KAZN: variants seen among roughly 807,000 people sequenced by gnomAD.
KAZN encodes the protein kazrin, periplakin interacting protein.
KAZN carries 40 observed loss-of-function variants against 87.4 expected under a neutral mutation model. The observed-to-expected ratio is 0.46, with a 90% confidence interval of 0.36 to 0.60. The LOEUF (loss-of-function observed/expected upper bound fraction) is 0.60. Ranked by LOEUF, KAZN falls within the 20% of genes least tolerant of loss-of-function variation. KAZN has a pLI of 0.00. For synonymous variants in KAZN, 466 were observed against 458.3 expected (o/e 1.02, Z -0.22); for missense variants, 898 against 1,073.9 (o/e 0.84, Z 2.29).
In KAZN at chr1:14,096,309, T is replaced by C. The variant is rs189511140; in HGVS notation, c.92-84126T>C. On this transcript the variant is annotated intron_variant, in intron 1 of 16. Coordinates refer to the KAZN transcript ENST00000636203. Reference sequence around the variant, plus strand: ...GGGGTATAAAGGGTAATAATTACTCTGGATTCACAACGAATGTGTCAGAAA... The same window carrying C: ...GGGGTATAAAGGGTAATAATTACTCCGGATTCACAACGAATGTGTCAGAAA... Among the ~76,000 whole-genome samples the C allele has an allele frequency of 3.0e-3, 459 of 152,358 alleles. 6 individuals are homozygous for C. The highest frequency in any genetic ancestry group is 0.011 in the African/African-American group (441 of 41,578).
intron 2 of KAZN, among the ~76,000 whole-genome samples, chr1:14,249,140 T>A (rs1413340017): frequency 6.6e-6 from 1 of 152,228 alleles, no homozygotes; most frequent in East Asian, 1.9e-4. Context: ...CTCTGCTGTT[T>A]CTAAATTCCT....
chr1:14,660,096 AATGCG>A, intron 1 of KAZN, among the ~76,000 whole-genome samples: 1 of 152,266 alleles, frequency 6.6e-6, no homozygotes. Flanking sequence ...TAATCTTGAT[AATGCG>A]ATTAGGGCCT....
chr1:14,982,563 G>A (rs1240429692), intron 2 of KAZN, among the ~76,000 whole-genome samples: 2 of 151,892 alleles, frequency 1.3e-5, no homozygotes, highest in African/African-American at 4.8e-5. Context: ...CCCAGCAGCT[G>A]GGACTACAGG....
chr1:14,991,655 C>T (rs1051451642), intron 2 of KAZN, among the ~76,000 whole-genome samples: 1 of 152,214 alleles, frequency 6.6e-6, no homozygotes, highest in South Asian at 2.1e-4. Flanking sequence ...GCCACACATA[C>T]CCAGGTACAC....
chr1:14,378,668 A>AT (rs1278057397), intron 2 of KAZN, among the ~76,000 whole-genome samples: 8 of 152,222 alleles, frequency 5.3e-5, no homozygotes, highest in African/African-American at 1.9e-4. Flanking sequence ...AACTCAGCAG[A>AT]TGCCTGCCCG....
chr1:14,273,711 T>C (rs1302565241), intron 2 of KAZN, among the ~76,000 whole-genome samples: 3 of 152,226 alleles, frequency 2.0e-5, no homozygotes, highest in Non-Finnish European at 2.9e-5. Context: ...CCATCTTTCC[T>C]TCTTTGAGTC....
chr1:14,333,090 T>C (rs1023610695), intron 2 of KAZN, among the ~76,000 whole-genome samples: 3 of 152,068 alleles, frequency 2.0e-5, no homozygotes, highest in Admixed American at 1.3e-4. Context: ...CCTGTGTCCA[T>C]GTGTTCTCAT....
intron 2 of KAZN, among the ~76,000 whole-genome samples, chr1:14,376,951 G>C (rs773351682): frequency 2.0e-5 from 3 of 152,178 alleles, no homozygotes; most frequent in Non-Finnish European, 4.4e-5. Flanking sequence ...TTAGTTGCTG[G>C]TGCTGAGTAC....
At chr1:15,027,040 A>G (rs890592500) in intron 2 of KAZN, among the ~76,000 whole-genome samples, 22 of 147,232 alleles carry the variant, frequency 1.5e-4, no homozygotes, top group African/African-American at 5.5e-4. Flanking sequence ...AGGCTTAATC[A>G]AACTTAGGCA....
At chr1:14,784,055 T>C (rs556263065) in intron 1 of KAZN, among the ~76,000 whole-genome samples, 2 of 152,210 alleles carry the variant, frequency 1.3e-5, no homozygotes, top group East Asian at 1.9e-4. Flanking sequence ...TTGGAAGGCA[T>C]TGGCTTAGGC....
At chr1:14,616,832 C>G (rs1471518157) in intron 1 of KAZN, among the ~76,000 whole-genome samples, 5 of 152,218 alleles carry the variant, frequency 3.3e-5, no homozygotes, top group Middle Eastern at 3.2e-3. Flanking sequence ...GCCCTCGTGG[C>G]CTCATTTGCA....
intron 1 of KAZN, among the ~76,000 whole-genome samples, chr1:14,881,605 T>TA (rs138477803): frequency 0.018 from 2,722 of 152,258 alleles, 96 homozygotes; most frequent in African/African-American, 0.062. Flanking sequence ...GCAGAGCTGG[T>TA]CCCTGCCTCT....
At position 14,176,231 on chromosome 1, in the gene KAZN, T is replaced by TAC. The variant is rs1480061666; in HGVS notation, c.92-4203_92-4202insCA. On this transcript the variant is annotated intron_variant, in intron 1 of 16. Coordinates refer to the KAZN transcript ENST00000636203. ...TTGGGTTCTCAGGGAGCTTATGTAT[T>TAC]ATCTTGTCCTGGGATGTATAGCTTG... 3.9e-5 allele frequency among the ~76,000 whole-genome samples: 6 copies of TAC among 152,298 alleles called. No individual in the cohort carries two copies. The East Asian group carries it at 9.6e-4, about 24-fold the overall frequency.
intron 1 of KAZN, among the ~76,000 whole-genome samples, chr1:14,645,911 G>C (rs955830579): frequency 3.9e-5 from 6 of 152,098 alleles, no homozygotes; most frequent in Non-Finnish European, 7.4e-5. Flanking sequence ...ATTATTTTGA[G>C]GTATGTTCAA....
rs937168289 is a variant in KAZN at position 14,510,341 on chromosome 1, G to A, written c.250-88642G>A. ...TGCAGTGAGCCGAGATGGCGCCATT[G>A]CACTCCAGCCTGGGCAACGAGAGCA... is the stretch of plus-strand genomic sequence containing the variant. On this transcript the variant is annotated intron_variant, in intron 2 of 16. Transcript: ENST00000636203. Among the ~76,000 whole-genome samples, 3 of 150,036 alleles carry A rather than the reference G, an allele frequency of 2.0e-5. 1 individual carries two copies. Among genetic ancestry groups the A allele is most frequent in the Middle Eastern group, 6.8e-3 (2 of 294 alleles).
chr1:14,129,544 G>C (rs1337511476), intron 1 of KAZN, among the ~76,000 whole-genome samples: 1 of 152,238 alleles, frequency 6.6e-6, no homozygotes, highest in Admixed American at 6.5e-5. Flanking sequence ...ATGGGCTCCT[G>C]GTTGGCTGCC....
chr1:14,907,183 G>A (rs899428397), intron 1 of KAZN, among the ~76,000 whole-genome samples: 2 of 151,874 alleles, frequency 1.3e-5, no homozygotes, highest in Non-Finnish European at 2.9e-5. Flanking sequence ...ATCACTTGAG[G>A]TCAGGAGTTC....
intron 2 of KAZN, among the ~76,000 whole-genome samples, chr1:14,232,752 T>G (rs1343572429): frequency 1.3e-5 from 2 of 152,202 alleles, no homozygotes; most frequent in Non-Finnish European, 2.9e-5. Context: ...GTTTTATTAA[T>G]CTTCCTTCAC....
intron 7 of KAZN, among the ~76,000 whole-genome samples, chr1:15,064,203 T>C (rs1573232298): frequency 6.6e-6 from 1 of 152,310 alleles, no homozygotes; most frequent in East Asian, 1.9e-4. Flanking sequence ...CAACATGAAT[T>C]TGAGGGTCTG....
Sources: gnomAD v4.1 joint callset for allele counts (sites outside exome capture counted in the v4.1 genomes callset) on GRCh38, gnomAD v4.1.1 for gene constraint, MANE v1.5 for transcripts, NCBI Gene and HGNC (gene_info 2026-07-23, HGNC 2026-07-21) for gene names.